HEBP1: variants seen among roughly 807,000 people sequenced by gnomAD.
HEBP1 encodes the protein heme-binding protein 1.
A neutral mutation model predicts 20.4 loss-of-function variants in HEBP1; 13 were observed. The observed-to-expected ratio is 0.64, with a 90% CI of 0.42 to 1.01. The LOEUF (loss-of-function observed/expected upper bound fraction) is 1.01, where lower values mean the gene tolerates loss of function less well. HEBP1 is among the 50% of genes least tolerant of loss of function. The pLI, the probability that HEBP1 is intolerant of heterozygous loss-of-function variation, is 0.00. For synonymous variants in HEBP1, 92 were observed against 90.7 expected, an observed-to-expected ratio of 1.01 and a Z score of -0.08; for missense variants, 241 against 247.3, an observed-to-expected ratio of 0.97 and a Z score of 0.17.
chr12:12,990,067 T>C (rs117295603), intron 1 of HEBP1, among the ~76,000 whole-genome samples: 3,935 of 152,122 alleles, frequency 0.026, 67 homozygotes, highest in Admixed American at 0.043. Flanking sequence ...ACATTACTTA[T>C]AATACTTAAT....
At chr12:12,989,761 ATAAAGT>A (rs61643357) in intron 1 of HEBP1, among the ~76,000 whole-genome samples, 41 of 60,476 alleles carry the variant, frequency 6.8e-4, no homozygotes, top group African/African-American at 1.2e-3. Flanking sequence ...AGGTTGGAAG[ATAAAGT>A]TAAACAGGAG....
chr12:12,998,047 C>T lies in HEBP1; in HGVS notation c.78+1990G>A, dbSNP rs143233459. 1.8e-3 allele frequency among the ~76,000 whole-genome samples: 276 copies of T among 152,170 alleles called. 1 individual carries two copies. The highest frequency in any genetic ancestry group is 6.4e-3 in the African/African-American group (264 of 41,512). ...CAGGACTGATATTAATAACTGGCATCCTTATTGCATTTGTGTCCAGCCTAT... is the reference window on the plus strand; with the variant it reads ...CAGGACTGATATTAATAACTGGCATTCTTATTGCATTTGTGTCCAGCCTAT... On this transcript the variant is annotated intron_variant, in intron 1 of 3. Coordinates refer to ENST00000014930, the MANE Select transcript of HEBP1 (RefSeq NM_015987.5). The surrounding 1 kb of genome is among the most constrained non-coding windows in gnomAD (Gnocchi z 4.2).
chr12:12,975,249 C>A lies in HEBP1; in HGVS notation c.*59G>T. Reference sequence around the variant, plus strand: ...CTTGGGAAGCACTGTCCCCTCCTTACCCCCGAGGAAGGAGACACAGAGGCA... The same window carrying A: ...CTTGGGAAGCACTGTCCCCTCCTTAACCCCGAGGAAGGAGACACAGAGGCA... On this transcript the variant is annotated 3_prime_UTR_variant, in exon 4 of 4. Coordinates refer to ENST00000014930, the MANE Select transcript of HEBP1 (RefSeq NM_015987.5). 1 of 1,544,654 alleles carries A rather than the reference C, an allele frequency of 6.5e-7. No individual in the cohort carries two copies. The highest frequency in any genetic ancestry group is 1.1e-5 in the South Asian group (1 of 87,258).
intron 1 of HEBP1, among the ~76,000 whole-genome samples, chr12:12,995,139 G>C (rs1864275198): frequency 6.6e-6 from 1 of 152,072 alleles, no homozygotes; most frequent in African/African-American, 2.4e-5. Context: ...GCCTTTGCCT[G>C]GTGTCTCCCT....
chr12:12,982,461 C>T (rs983381196), intron 3 of HEBP1, among the ~76,000 whole-genome samples: 1 of 152,116 alleles, frequency 6.6e-6, no homozygotes, highest in African/African-American at 2.4e-5. Context: ...TGTAAATCTC[C>T]TAAGTGGTAA....
At chr12:12,997,862 T>C (rs1469338362) in intron 1 of HEBP1, among the ~76,000 whole-genome samples, 1 of 152,184 alleles carries the variant, frequency 6.6e-6, no homozygotes, top group Admixed American at 6.5e-5. Context: ...GGAACCTTCA[T>C]CAGGGCTGTT....
At position 12,974,985 on chromosome 12, in the gene HEBP1, C is replaced by T. The variant is rs1863958144; in HGVS notation, c.*323G>A. ...CATTTTCCCCCTTAATAACAAAATA[C>T]AAATCCAATAATTTTAGAAAATCAG... On this transcript the variant is annotated 3_prime_UTR_variant, in exon 4 of 4. Transcript: ENST00000014930. 1 of 209,992 alleles carries T rather than the reference C, an allele frequency of 4.8e-6. No homozygotes were observed. 13.0% of individuals were successfully genotyped at this position (209,992 alleles called of 1,614,324 possible).
chr12:12,995,889 A>G (rs928707424), intron 1 of HEBP1, among the ~76,000 whole-genome samples: 1 of 152,294 alleles, frequency 6.6e-6, no homozygotes, highest in South Asian at 2.1e-4. Context: ...ACAAAAACCA[A>G]TTTTCAACAT....
intron 3 of HEBP1, chr12:12,985,860 A>G (rs1387778084): frequency 6.6e-6 from 1 of 152,180 alleles, no homozygotes; most frequent in Non-Finnish European, 1.5e-5. Flanking sequence ...AGTAAGCAGT[A>G]GAGCTGGAAT....
chr12:12,989,506 CT>C lies in HEBP1; in HGVS notation c.79-92del. 5.4e-6 allele frequency: 7 copies of C among 1,294,432 alleles called. 1 individual carries two copies. In the South Asian group the frequency reaches 9.0e-5, roughly 17 times the overall value. The allele number at this position is 1,294,432 out of a possible 1,614,324, so 80.2% of individuals were successfully genotyped here. On this transcript the variant is annotated intron_variant, in intron 1 of 3. Coordinates refer to ENST00000014930, the MANE Select transcript of HEBP1 (RefSeq NM_015987.5). ...AGTAACAGAGGGCTAAAAAACTTTC[CT>C]TGGTGGGTATGGCCATAGAGCAGAA...
intron 1 of HEBP1, among the ~76,000 whole-genome samples, chr12:12,999,394 C>A (rs10772616): frequency 6.6e-5 from 10 of 152,066 alleles, no homozygotes; most frequent in African/African-American, 2.4e-4. Context: ...AGGGTTACTT[C>A]AATACCGCCA....
In HEBP1 at chr12:13,000,135, G is replaced by A. The variant is rs376511467; in HGVS notation, c.-21C>T. 6 of 1,583,248 alleles carry A rather than the reference G, an allele frequency of 3.8e-6. No individual in the cohort carries two copies. The highest frequency in any genetic ancestry group is 1.1e-5 in the South Asian group (1 of 87,538). On this transcript the variant is annotated 5_prime_UTR_variant, in exon 1 of 4. Coordinates refer to ENST00000014930, the MANE Select transcript of HEBP1 (RefSeq NM_015987.5). Reference sequence around the variant, plus strand: ...AACATGTTGTAGCCGAGACGCTCCCGACGCACGGGAGGACGTGAGGTGGCG... The same window carrying A: ...AACATGTTGTAGCCGAGACGCTCCCAACGCACGGGAGGACGTGAGGTGGCG...
chr12:12,978,300 TC>T (rs1864026217), intron 3 of HEBP1, among the ~76,000 whole-genome samples: 1 of 130,330 alleles, frequency 7.7e-6, no homozygotes, highest in African/African-American at 2.9e-5. Flanking sequence ...AACCTCTGCC[TC>T]CCAGGTTCAA....
intron 3 of HEBP1, chr12:12,983,793 C>A (rs1240640885): frequency 1.1e-5 from 5 of 455,846 alleles, no homozygotes; most frequent in Non-Finnish European, 2.2e-5. Context: ...TTGATAGTAC[C>A]CGTATACCCC....
intron 3 of HEBP1, 69 bp from the exon 4 acceptor site, chr12:12,975,548 A>G: frequency 7.3e-7 from 1 of 1,371,792 alleles, no homozygotes; most frequent in Non-Finnish European, 1.0e-6. Context: ...ATCTTTAGAA[A>G]AAAGTCACTC....
chr12:12,987,397 G>C, intron 2 of HEBP1, 65 bp from the exon 3 acceptor site: 6 of 1,291,492 alleles, frequency 4.6e-6, no homozygotes, highest in Non-Finnish European at 5.4e-6. Flanking sequence ...GGCTGTGGAA[G>C]ACACATTAGT....
At chr12:12,991,805 C>T (rs189805090) in intron 1 of HEBP1, among the ~76,000 whole-genome samples, 29 of 152,232 alleles carry the variant, frequency 1.9e-4, no homozygotes, top group Admixed American at 1.8e-3. Flanking sequence ...TTCTTCTCTT[C>T]TACTCTACTG....
intron 1 of HEBP1, among the ~76,000 whole-genome samples, chr12:12,991,843 A>C (rs1864229125): frequency 6.6e-6 from 1 of 152,172 alleles, no homozygotes; most frequent in East Asian, 1.9e-4. Flanking sequence ...TCCCATTAGA[A>C]GAAGGAAAGT....
intron 3 of HEBP1, among the ~76,000 whole-genome samples, chr12:12,978,199 G>GTTTTTTT (rs76634642): frequency 1.3e-5 from 1 of 75,056 alleles, no homozygotes. Flanking sequence ...CTACGAAAGG[G>GTTTTTTT]TTTTTTTTTT....
Sources: allele counts gnomAD v4.1 joint callset (sites outside exome capture counted in the v4.1 genomes callset), GRCh38; gene constraint gnomAD v4.1.1; non-coding constraint Gnocchi (gnomAD v3.1); transcripts MANE v1.5; gene names NCBI Gene and HGNC (gene_info 2026-07-23, HGNC 2026-07-21).